Variants in IL4I1 observed in about 807,000 individuals in gnomAD.
IL4I1 encodes interleukin 4 induced 1.
IL4I1 carries 24 observed loss-of-function variants against 29.7 expected under a neutral mutation model. The ratio of observed to expected loss-of-function variants is 0.81; its 90% CI spans 0.59 to 1.14. The LOEUF is 1.14. Ranked by LOEUF, IL4I1 falls within the 50% of genes most tolerant of loss-of-function variation. The pLI, the probability that IL4I1 is intolerant of heterozygous loss-of-function variation, is 0.00. For missense variants in IL4I1, 686 were observed against 785.6 expected (o/e 0.87, Z 1.52); for synonymous variants, 371 against 352.5 (o/e 1.05, Z -0.59).
chr19:49,911,852 C>T (rs192295903), intron 2 of IL4I1, among the ~76,000 whole-genome samples: 261 of 152,268 alleles, frequency 1.7e-3, no homozygotes, highest in Middle Eastern at 3.4e-3. Flanking sequence ...CAAGAGGCCA[C>T]GGCAAGTGCC....
intron 2 of IL4I1, among the ~76,000 whole-genome samples, chr19:49,924,675 C>T (rs2075842835): frequency 6.6e-6 from 1 of 152,180 alleles, no homozygotes; most frequent in East Asian, 1.9e-4. Flanking sequence ...CACGAGGGGA[C>T]TCAGGGTTCG....
At chr19:49,890,694 TG>T in intron 7 of IL4I1, 94 bp from the exon 8 acceptor site, 1 of 1,151,916 alleles carries the variant, frequency 8.7e-7, no homozygotes, top group Non-Finnish European at 1.2e-6. Flanking sequence ...CTGGCCCTTA[TG>T]GGCACCGGCC....
intron 2 of IL4I1, among the ~76,000 whole-genome samples, chr19:49,916,393 G>A (rs1282276873): frequency 3.5e-5 from 5 of 144,400 alleles, no homozygotes; most frequent in East Asian, 4.1e-4. Context: ...TCGCTCTGTC[G>A]CCCAGGCTGG....
chr19:49,920,534 G>A (rs919520325), intron 2 of IL4I1, among the ~76,000 whole-genome samples: 1 of 152,154 alleles, frequency 6.6e-6, no homozygotes, highest in East Asian at 1.9e-4. Context: ...CCAACCAACC[G>A]ACCAACCAAC....
intron 2 of IL4I1, among the ~76,000 whole-genome samples, chr19:49,914,726 G>GTTGT: frequency 1.8e-5 from 1 of 56,362 alleles, no homozygotes; most frequent in Non-Finnish European, 3.2e-5. Context: ...CCAAGTCCCA[G>GTTGT]TTTTTTTTTT....
At chr19:49,905,879 A>C (rs898134084) in intron 2 of IL4I1, among the ~76,000 whole-genome samples, 4 of 152,166 alleles carry the variant, frequency 2.6e-5, no homozygotes, top group African/African-American at 9.7e-5. Context: ...CTGGGATTAC[A>C]GGTGTGAGCC....
In IL4I1 at chr19:49,908,134, GAAAC is replaced by G. The variant is rs975633969; in HGVS notation, c.-227-3817_-227-3814del. ...GTCAAGGGCAGTCATGTGAAAGAAA[GAAAC>G]AAACAAACAAGTATCTTGCCACAAC... On this transcript the variant is annotated intron_variant, in intron 2 of 9. Coordinates refer to the IL4I1 transcript ENST00000341114. The G allele has an allele frequency of 1.1e-3, 1,625 of 1,526,672 alleles. 12 individuals carry two copies. In the African/African-American group the frequency reaches 0.019, roughly 18 times the overall value. 94.6% of individuals were successfully genotyped at this position (1,526,672 alleles called of 1,614,324 possible).
chr19:49,908,203 TC>T, intron 2 of IL4I1: 7 of 1,607,906 alleles, frequency 4.4e-6, no homozygotes, highest in Non-Finnish European at 5.9e-6. Flanking sequence ...CCTCATGAAC[TC>T]CCTAGGGACC....
chr19:49,916,074 C>T (rs1231190545), intron 2 of IL4I1, among the ~76,000 whole-genome samples: 1 of 152,254 alleles, frequency 6.6e-6, no homozygotes, highest in Non-Finnish European at 1.5e-5. Flanking sequence ...CACTGCACTG[C>T]AGCACACCGA....
At chr19:49,919,101 C>T (rs868534273) in intron 2 of IL4I1, among the ~76,000 whole-genome samples, 3 of 151,800 alleles carry the variant, frequency 2.0e-5, no homozygotes, top group South Asian at 2.1e-4. Context: ...TGCAGTGAGC[C>T]GAGATCACAC....
At chr19:49,900,278 C>T (rs182338220), upstream of IL4I1, among the ~76,000 whole-genome samples, 6 of 152,198 alleles carry the variant, frequency 3.9e-5, no homozygotes, top group East Asian at 3.9e-4. Flanking sequence ...GAGCAGAGGG[C>T]GCAAGTCAGC....
chr19:49,901,944 A>C, intron 3 of IL4I1: 2 of 361,556 alleles, frequency 5.5e-6, no homozygotes, highest in Non-Finnish European at 5.0e-6. Flanking sequence ...CCCTTGTCTC[A>C]CTCACCCTCC....
exon 1 of IL4I1, chr19:49,929,419 C>G (rs1473271806): frequency 1.3e-5 from 2 of 152,700 alleles, no homozygotes; most frequent in Admixed American, 6.5e-5. Flanking sequence ...CCGCTTACCT[C>G]TTCTCCAACT....
At chr19:49,904,163 A>G (rs1346605707) in intron 3 of IL4I1, 1 of 152,112 alleles carries the variant, frequency 6.6e-6, no homozygotes, top group African/African-American at 2.4e-5. Flanking sequence ...TTATCCCTAA[A>G]CAGGGGAAAG....
At chr19:49,914,948 C>T (rs1222921396) in intron 2 of IL4I1, among the ~76,000 whole-genome samples, 5 of 151,684 alleles carry the variant, frequency 3.3e-5, no homozygotes, top group Non-Finnish European at 5.9e-5. Flanking sequence ...CCATGTTAGC[C>T]GGGCTGGTCT....
chr19:49,890,965 C>T lies in IL4I1; in HGVS notation c.773+6G>A, dbSNP rs1296370408. 4 of 1,531,578 alleles carry T rather than the reference C, an allele frequency of 2.6e-6. No homozygotes were observed. Among genetic ancestry groups the T allele is most frequent in the Non-Finnish European group, 3.5e-6 (4 of 1,137,650 alleles). The allele number at this position is 1,531,578 out of a possible 1,614,324, so 94.9% of individuals were successfully genotyped here. A position where few individuals can be genotyped will look rare whatever the true frequency, so the allele number is the denominator to read the frequency against. On this transcript the variant is annotated splice_donor_region_variant and intron_variant, in intron 7 of 7. Transcript: ENST00000391826. Reference sequence around the variant, plus strand: ...CCCCCCCCTGCCCGCCAGCCCCGCCCCTTACTGGAGTCTGTCGCTGAGGCA... The same window carrying T: ...CCCCCCCCTGCCCGCCAGCCCCGCCTCTTACTGGAGTCTGTCGCTGAGGCA...
intron 2 of IL4I1, among the ~76,000 whole-genome samples, chr19:49,922,413 T>A (rs1005788362): frequency 1.3e-5 from 2 of 151,828 alleles, no homozygotes; most frequent in Non-Finnish European, 2.9e-5. Flanking sequence ...CCTCCTCTGC[T>A]CCCCAGAAAC....
chr19:49,890,060 G>A lies in IL4I1; in HGVS notation c.1314C>T (p.Thr438=), dbSNP rs1406778736. The A allele has an allele frequency of 3.2e-6, 5 of 1,549,786 alleles. No individual in the cohort carries two copies. The Admixed American group carries it at 5.9e-5, about 18-fold the overall frequency. Residue 438 remains threonine (T), a synonymous_variant, in exon 8 of 8, where the codon ACC becomes ACT. Coordinates refer to ENST00000391826, the MANE Select transcript of IL4I1 (RefSeq NM_152899.2). ...GPVVRQLWDG[T]GVVKRWAEDQ... is the part of the protein sequence containing the mutation. ...CCTCCGCCCAACGCTTGACGACGCC[G>A]GTGCCGTCCCAGAGCTGGCGCACGA...
In IL4I1 at chr19:49,890,584, C is replaced by T; in HGVS notation, c.790G>A (p.Gly264Ser). Reference protein sequence around the residue: ...SDRLQYSRIVGGWDLLPRALL... With the variant: ...SDRLQYSRIVSGWDLLPRALL... Reference sequence around the variant, plus strand: ...GCGCGCGGCAGCAGGTCCCAGCCACCCACGATGCGGCTGTACCTGCAGGCG... The same window carrying T: ...GCGCGCGGCAGCAGGTCCCAGCCACTCACGATGCGGCTGTACCTGCAGGCG... Residue 264 changes from glycine (G) to serine (S), a missense_variant, in exon 8 of 8, where the codon GGT becomes AGT. Gly to Ser is a moderately conservative substitution (Grantham distance 56). Transcript: ENST00000391826. 3 of 1,571,770 alleles carry T rather than the reference C, an allele frequency of 1.9e-6. No individual in the cohort carries two copies. The highest frequency in any genetic ancestry group is 1.7e-6 in the Non-Finnish European group (2 of 1,162,902).
Sources: gnomAD v4.1 joint callset for allele counts (sites outside exome capture counted in the v4.1 genomes callset) on GRCh38, gnomAD v4.1.1 for gene constraint, MANE v1.5 for transcripts, NCBI Gene and HGNC (gene_info 2026-07-23, HGNC 2026-07-21) for gene names.